The following NSMAF variants were observed in gnomAD, a reference collection of about 807,000 sequenced individuals.
NSMAF encodes protein FAN.
NSMAF carries 90 observed loss-of-function variants against 134.9 expected under a neutral mutation model. That is an observed-to-expected ratio of 0.67 (90% CI 0.56 to 0.79). NSMAF has a LOEUF of 0.79. NSMAF is among the 30% of genes least tolerant of loss of function. NSMAF has a pLI of 0.00. For missense variants in NSMAF, 1,010 were observed against 1,119.0 expected, an observed-to-expected ratio of 0.90 and a Z score of 1.39; for synonymous variants, 358 against 389.6, an observed-to-expected ratio of 0.92 and a Z score of 0.96.
At chr8:58,608,357 A>G (rs570234108) in intron 10 of NSMAF, among the ~76,000 whole-genome samples, 63 of 152,360 alleles carry the variant, frequency 4.1e-4, no homozygotes, top group South Asian at 3.7e-3. Flanking sequence ...TTAATGAAGA[A>G]GAAAATTGTC....
intron 2 of NSMAF, among the ~76,000 whole-genome samples, chr8:58,637,058 A>G (rs1301432135): frequency 6.6e-6 from 1 of 152,138 alleles, no homozygotes; most frequent in Non-Finnish European, 1.5e-5. Flanking sequence ...ACAAACACAC[A>G]TATTTATAAA....
At chr8:58,626,578 G>GTA (rs1386931351) in intron 6 of NSMAF, among the ~76,000 whole-genome samples, 1 of 152,124 alleles carries the variant, frequency 6.6e-6, no homozygotes, top group Non-Finnish European at 1.5e-5. Context: ...ATTCCATGGT[G>GTA]TATATATATA....
intron 27 of NSMAF, 70 bp from the exon 28 acceptor site, chr8:58,586,678 G>A (rs3816846): frequency 0.31 from 397,483 of 1,265,862 alleles, 63,791 homozygotes; most frequent in South Asian, 0.36. Context: ...CTCTAGTCTG[G>A]TTCAAATATG....
In NSMAF at chr8:58,635,540, G is replaced by T; in HGVS notation, c.156C>A (p.Ile52=). ...TTGAACATATTTTTAAGGAGCCTCT[G>T]ATTTTCCTAGGGATCCAAGTACAAC... ...LHKGSHHERK[I]RGSLKICSKS... Residue 52 remains isoleucine (I), a synonymous_variant, in exon 3 of 31, where the codon ATC becomes ATA. Coordinates refer to ENST00000038176, the MANE Select transcript of NSMAF (RefSeq NM_003580.4). 1.3e-6 allele frequency: 2 copies of T among 1,593,382 alleles called. No individual in the cohort carries two copies. The highest frequency in any genetic ancestry group is 1.1e-5 in the South Asian group (1 of 87,630).
intron 1 of NSMAF, chr8:58,659,080 T>G (rs1807790739): frequency 4.8e-5 from 38 of 793,834 alleles, no homozygotes; most frequent in East Asian, 2.3e-4. Context: ...GAGTGGGTGG[T>G]CGCCGGCCTG....
At chr8:58,593,724 C>T (rs147951951) in intron 23 of NSMAF, among the ~76,000 whole-genome samples, 8 of 152,332 alleles carry the variant, frequency 5.3e-5, no homozygotes, top group Admixed American at 3.3e-4. Context: ...CAATGACACA[C>T]TGCAAGGGTT....
intron 30 of NSMAF, among the ~76,000 whole-genome samples, chr8:58,584,757 C>G (rs543780036): frequency 6.6e-6 from 1 of 152,312 alleles, no homozygotes; most frequent in East Asian, 1.9e-4. Context: ...CCATCTTAGC[C>G]TCTTAAGTAG....
intron 5 of NSMAF, among the ~76,000 whole-genome samples, chr8:58,632,416 C>T (rs1807075071): frequency 6.6e-6 from 1 of 152,140 alleles, no homozygotes; most frequent in African/African-American, 2.4e-5. Flanking sequence ...CTCCACGTCA[C>T]CATACAATCA....
chr8:58,639,967 C>A (rs969517088), intron 2 of NSMAF: 4 of 396,520 alleles, frequency 1.0e-5, no homozygotes, highest in Non-Finnish European at 2.0e-5. Flanking sequence ...ATGGAACTTA[C>A]GAAAATTTTT....
At chr8:58,618,074 CA>C (rs1304527342) in intron 9 of NSMAF, among the ~76,000 whole-genome samples, 2 of 152,176 alleles carry the variant, frequency 1.3e-5, no homozygotes, top group Non-Finnish European at 2.9e-5. Context: ...GCAAGCCAAA[CA>C]CCACATGTCC....
intron 9 of NSMAF, among the ~76,000 whole-genome samples, chr8:58,617,735 T>C (rs1806694713): frequency 6.6e-6 from 1 of 152,176 alleles, no homozygotes; most frequent in Non-Finnish European, 1.5e-5. Flanking sequence ...AGTTCAACCA[T>C]TGTGGAAGAC....
intron 6 of NSMAF, among the ~76,000 whole-genome samples, chr8:58,626,084 T>C (rs775696542): frequency 7.4e-6 from 1 of 135,498 alleles, no homozygotes; most frequent in African/African-American, 2.7e-5. Flanking sequence ...AAGTCCATTA[T>C]ATAATTCTTT....
chr8:58,630,594 C>T (rs1221600710), intron 6 of NSMAF, among the ~76,000 whole-genome samples: 2 of 152,124 alleles, frequency 1.3e-5, no homozygotes, highest in East Asian at 1.9e-4. Context: ...GAGCAGTGTA[C>T]GAGAGGCATT....
intron 10 of NSMAF, among the ~76,000 whole-genome samples, chr8:58,609,188 TAAG>T (rs1026578698): frequency 7.9e-5 from 12 of 152,318 alleles, no homozygotes; most frequent in East Asian, 3.9e-4. Context: ...TGTTCATCAT[TAAG>T]AAGAAGCAAG....
chr8:58,626,645 T>A (rs73250347), intron 6 of NSMAF, among the ~76,000 whole-genome samples: 9,104 of 152,294 alleles, frequency 0.06, 668 homozygotes, highest in African/African-American at 0.18. Flanking sequence ...ATTTTTGCAA[T>A]TGCAAATTGT....
chr8:58,635,232 TA>T lies in NSMAF; in HGVS notation c.297-8del. 6.2e-7 allele frequency: 1 copy of T among 1,611,858 alleles called. No individual in the cohort carries two copies. Among genetic ancestry groups the T allele is most frequent in the South Asian group, 1.1e-5 (1 of 90,896 alleles). On this transcript the variant is annotated splice_region_variant and splice_polypyrimidine_tract_variant and intron_variant, in intron 4 of 30. Coordinates refer to ENST00000038176, the MANE Select transcript of NSMAF (RefSeq NM_003580.4). ...AATACCCCCAGATTTTGCCCTAAAATACAGATAAAAGTCATTAAATATATAC... is the reference window on the plus strand; with the variant it reads ...AATACCCCCAGATTTTGCCCTAAAATCAGATAAAAGTCATTAAATATATAC...
rs375599095 is a variant in NSMAF at position 58,607,814 on chromosome 8, T to C, written c.714A>G (p.Gln238=). ...YPKPVVQITL[Q]DVRRIYKRRH... is the part of the protein sequence containing the mutation. Reference sequence around the variant, plus strand: ...TCCTTTTGTAGATGCGGCGGACATCTTGGAGTGTTATCTGGACCACAGGTT... The same window carrying C: ...TCCTTTTGTAGATGCGGCGGACATCCTGGAGTGTTATCTGGACCACAGGTT... The change falls in exon 11 of 31, where the codon CAA becomes CAG. Residue 238 remains glutamine, a synonymous_variant. Transcript: ENST00000038176. 9.3e-6 allele frequency: 15 copies of C among 1,614,064 alleles called. No individual in the cohort carries two copies. In the African/African-American group the frequency reaches 1.3e-4, roughly 14 times the overall value.
At chr8:58,636,784 C>T (rs11774998) in intron 2 of NSMAF, among the ~76,000 whole-genome samples, 1 of 152,016 alleles carries the variant, frequency 6.6e-6, no homozygotes, top group Admixed American at 6.6e-5. Flanking sequence ...GTTTGCCAAG[C>T]CCTGCTGTGA....
chr8:58,616,539 C>A (rs887019322), intron 9 of NSMAF, among the ~76,000 whole-genome samples: 1 of 151,886 alleles, frequency 6.6e-6, no homozygotes, highest in African/African-American at 2.4e-5. Flanking sequence ...AAATATTTGA[C>A]AAAATTCTAC....
Sources: allele counts gnomAD v4.1 joint callset (sites outside exome capture counted in the v4.1 genomes callset), GRCh38; gene constraint gnomAD v4.1.1; transcripts MANE v1.5; gene names NCBI Gene and HGNC (gene_info 2026-07-23, HGNC 2026-07-21).